Variants in APOB observed in about 807,000 individuals in gnomAD.
APOB encodes the protein apolipoprotein B-100.
In APOB, 153 loss-of-function variants were observed where a neutral mutation model predicts 314.1. The observed-to-expected ratio is 0.49, with a 90% CI of 0.43 to 0.56. The LOEUF is 0.56. APOB is among the 20% of genes least tolerant of loss of function. APOB has a pLI of 0.00. For missense variants in APOB, 5,430 were observed against 5,350.7 expected (o/e 1.01, Z -0.46); for synonymous variants, 2,087 against 2,036.4 (o/e 1.02, Z -0.67).
In APOB at chr2:21,037,398, G is replaced by A. The variant is rs1467349130; in HGVS notation, c.538-143C>T. 11 of 981,084 alleles carry A rather than the reference G, an allele frequency of 1.1e-5. No individual in the cohort carries two copies. The African/African-American group carries it at 1.6e-4, about 14-fold the overall frequency. The allele number at this position is 981,084 out of a possible 1,614,324, so 60.8% of individuals were successfully genotyped here. On this transcript the variant is annotated intron_variant, in intron 5 of 28. Coordinates refer to ENST00000233242, the MANE Select transcript of APOB (RefSeq NM_000384.3). The stretch of plus-strand genomic sequence containing the variant: ...GACTTTCTTTTTCTTCCTATGCAGA[G>A]TGTGGTCTTGCTAGTGCCTGGCCAG...
rs776597705 is a variant in APOB, at chr2:21,032,471, G to A, written c.1235C>T (p.Thr412Ile). Residue 412 changes from threonine to isoleucine, a missense_variant, in exon 10 of 29, where the codon ACC becomes ATC. By Grantham distance (89) the Thr-to-Ile change is moderately conservative. Transcript: ENST00000233242. The stretch of plus-strand genomic sequence containing the variant: ...CTCGGGGATCAGGGCCACCAGGTAG[G>A]TGACCACATCTATCAGAAGGGGGTT... ...HANPLLIDVV[T>I]YLVALIPEPS... 2 of 1,614,076 alleles carry A rather than the reference G, an allele frequency of 1.2e-6. No homozygotes were observed. Among genetic ancestry groups the A allele is most frequent in the African/African-American group, 2.7e-5 (2 of 74,934 alleles).
At position 21,012,976 on chromosome 2, in the gene APOB, G is replaced by T. The variant is rs12720844; in HGVS notation, c.4216+184C>A. Among the ~76,000 whole-genome samples the T allele has an allele frequency of 6.9e-3, 1,051 of 152,234 alleles. 8 individuals are homozygous for T. Among genetic ancestry groups the T allele is most frequent in the African/African-American group, 0.024 (978 of 41,550 alleles). On this transcript the variant is annotated intron_variant, in intron 25 of 28. Coordinates refer to ENST00000233242, the MANE Select transcript of APOB (RefSeq NM_000384.3). ...GTCTACTTTCTGTTACTGCCTACTA[G>T]AATATTTAATACACGTGATATGTTT...
In APOB at chr2:21,006,884, A is replaced by T. The variant is rs373961552; in HGVS notation, c.9984T>A (p.His3328Gln). 2.5e-6 allele frequency: 4 copies of T among 1,613,996 alleles called. No individual in the cohort carries two copies. Among genetic ancestry groups the T allele is most frequent in the Non-Finnish European group, 3.4e-6 (4 of 1,179,972 alleles). ...PDFKELCTIS[H>Q]IFIPAMGNIT... is the part of the protein sequence containing the mutation. ...TATTGCCCATGGCAGGAATAAAAAT[A>T]TGGCTTATGGTACACAATTCCTTGA... The change falls in exon 26 of 29, where the codon CAT becomes CAA. Residue 3328 changes from histidine (H) to glutamine (Q), a missense_variant. Coordinates refer to ENST00000233242, the MANE Select transcript of APOB (RefSeq NM_000384.3).
At position 21,001,959 on chromosome 2, in the gene APOB, A is replaced by G. The variant is rs374389311; in HGVS notation, c.13463T>C (p.Ile4488Thr). 7.4e-6 allele frequency: 12 copies of G among 1,613,946 alleles called. No individual in the cohort carries two copies. Among genetic ancestry groups the G allele is most frequent in the African/African-American group, 1.3e-5 (1 of 74,936 alleles). Residue 4488 changes from isoleucine (I) to threonine (T), a missense_variant, in exon 29 of 29, where the codon ATT becomes ACT. Ile to Thr is a moderately conservative substitution (Grantham distance 89). Around this residue, in one of 3 missense-constraint regions of APOB, gnomAD observed 3,281 missense variants for 3,171.0 expected, o/e 1.03. Coordinates refer to ENST00000233242, the MANE Select transcript of APOB (RefSeq NM_000384.3). Reference sequence around the variant, plus strand: ...TCTAAACTGCTGGTGGTAATCAGAAATTATTTTCTTCGTCGCAATGGCCTG... The same window carrying G: ...TCTAAACTGCTGGTGGTAATCAGAAGTTATTTTCTTCGTCGCAATGGCCTG... The part of the protein sequence containing the change: ...KSQAIATKKI[I>T]SDYHQQFRYK...
Position 21,007,749 on chromosome 2 carries a change from G to T in APOB, c.9119C>A (p.Ser3040Ter). The change falls in exon 26 of 29, where the codon TCA (serine) becomes TAA (stop). Residue 3040 changes from serine to a stop codon, truncating the protein, a stop_gained. Coordinates refer to ENST00000233242, the MANE Select transcript of APOB (RefSeq NM_000384.3). LOFTEE classifies it high-confidence loss of function. ...IGTLKNSLFFSAQPFEITAST... is the reference protein window; with the variant it reads ...IGTLKNSLFF ...TGCCGTGATCTCAAATGGCTGGGCT[G>T]AAAAGAAAAGAGAATTTTTCAAAGT... 1 of 1,614,022 alleles carries T rather than the reference G, an allele frequency of 6.2e-7. No homozygotes were observed.
rs760815948 is a variant in APOB, at chr2:21,006,935, T to C, written c.9933A>G (p.Arg3311=). The stretch of plus-strand genomic sequence containing the variant: ...AATCTGGAAGAGAAAGCTTGAGATT[T>C]CTAGGGACATGAAGGACTGGCAGCT... The part of the protein sequence containing the change: ...SLELPVLHVP[R]NLKLSLPDFK... The change falls in exon 26 of 29, where the codon AGA becomes AGG. Residue 3311 remains arginine, a synonymous_variant. Transcript: ENST00000233242. The C allele has an allele frequency of 2.2e-5, 36 of 1,614,070 alleles. No individual in the cohort carries two copies. Among genetic ancestry groups the C allele is most frequent in the Non-Finnish European group, 3.0e-5 (35 of 1,179,954 alleles).
intron 4 of APOB, among the ~76,000 whole-genome samples, chr2:21,039,856 G>T (rs867117406): frequency 2.0e-5 from 3 of 152,126 alleles, no homozygotes; most frequent in African/African-American, 7.2e-5. Context: ...TAAAGCATAG[G>T]AAAGAAAGAA....
Position 21,002,719 on chromosome 2 carries a change from C to T in APOB, c.12703G>A (p.Val4235Ile), listed in dbSNP as rs1434829160. 1.2e-6 allele frequency: 2 copies of T among 1,613,308 alleles called. No individual in the cohort carries two copies. The highest frequency in any genetic ancestry group is 1.7e-6 in the Non-Finnish European group (2 of 1,179,674). ...GTVLSQVYSK[V>I]HNGSEILFSY... ...AACAGTATTTCTGAACCATTATGGA[C>T]TTTCGAATATACCTGGGACAGTACC... Residue 4235 changes from valine (V) to isoleucine (I), a missense_variant, in exon 29 of 29, where the codon GTC (valine) becomes ATC (isoleucine). Val to Ile is a conservative substitution (Grantham distance 29). Coordinates refer to ENST00000233242, the MANE Select transcript of APOB (RefSeq NM_000384.3).
Position 21,006,580 on chromosome 2 carries a change from T to C in APOB, c.10288A>G (p.Lys3430Glu), listed in dbSNP as rs755913225. 4 of 1,614,006 alleles carry C rather than the reference T, an allele frequency of 2.5e-6. No homozygotes were observed. The highest frequency in any genetic ancestry group is 3.4e-6 in the Non-Finnish European group (4 of 1,179,980). The change falls in exon 26 of 29, where the codon AAA (lysine) becomes GAA (glutamate). Residue 3430 changes from lysine to glutamate, a missense_variant. Lys to Glu is a moderately conservative substitution (Grantham distance 56). Around this residue, in one of 3 missense-constraint regions of APOB, gnomAD observed 3,281 missense variants for 3,171.0 expected, o/e 1.03. Coordinates refer to ENST00000233242, the MANE Select transcript of APOB (RefSeq NM_000384.3). ...ATTCTCAAAATTGGAATTTGGGCTT[T>C]TGTGGTTGTTGCCACTGACACTTCC... ...NMEVSVATTT[K>E]AQIPILRMNF...
rs746414427 is a variant in APOB at position 21,014,438 on chromosome 2, C to T, written c.3842+10G>A. 18 of 1,613,924 alleles carry T rather than the reference C, an allele frequency of 1.1e-5. No homozygotes were observed. The highest frequency in any genetic ancestry group is 1.7e-5 in the Admixed American group (1 of 59,974). On this transcript the variant is annotated intron_variant, in intron 24 of 28. Transcript: ENST00000233242. ...ATGGTTCAAGAAGCCTTGCTGCTTT[C>T]TTCTTTTACCTTTTTAAGAAGAGGT...
Position 21,019,718 on chromosome 2 carries a change from C to T in APOB, c.2999+5G>A. 6.2e-7 allele frequency: 1 copy of T among 1,614,036 alleles called. No homozygotes were observed. ...ATGCTGGGTCAGGCACTGAGCATCT[C>T]TAACCTGGTGTCCCCGGTCAGCGGA... On this transcript the variant is annotated splice_donor_5th_base_variant and intron_variant, in intron 19 of 28. Transcript: ENST00000233242.
chr2:21,012,719 A>T, intron 25 of APOB, 68 bp from the exon 26 acceptor site: 5 of 1,542,222 alleles, frequency 3.2e-6, no homozygotes, highest in Non-Finnish European at 4.4e-6. Context: ...TCTATGTTGA[A>T]AGTCTTTCAA....
At chr2:21,033,615 G>C in intron 8 of APOB, 97 bp from the exon 9 acceptor site, 1 of 1,017,726 alleles carries the variant, frequency 9.8e-7, no homozygotes, top group Non-Finnish European at 1.5e-6. Context: ...TCAGCACAGG[G>C]GAAAAGGGAA....
rs1663383679 is a variant in APOB, at chr2:21,013,347, G to A, written c.4029C>T (p.Pro1343=). Residue 1343 remains proline, a synonymous_variant, in exon 25 of 29, where the codon CCC becomes CCT. Coordinates refer to ENST00000233242, the MANE Select transcript of APOB (RefSeq NM_000384.3). ...GAGGCACTTGCAGTTGATACAACTTGGGAATGGTAAAAGTAGGGACTTGGA... is the reference window on the plus strand; with the variant it reads ...GAGGCACTTGCAGTTGATACAACTTAGGAATGGTAAAAGTAGGGACTTGGA... ...REFQVPTFTI[P]KLYQLQVPLL... is the part of the protein sequence containing the mutation. The A allele has an allele frequency of 1.2e-6, 2 of 1,614,088 alleles. No homozygotes were observed. Among genetic ancestry groups the A allele is most frequent in the South Asian group, 1.1e-5 (1 of 91,084 alleles).
In APOB at chr2:21,037,942, C is replaced by T. The variant is rs370113574; in HGVS notation, c.537+16G>A. On this transcript the variant is annotated intron_variant, in intron 5 of 28. Coordinates refer to ENST00000233242, the MANE Select transcript of APOB (RefSeq NM_000384.3). ...GAGTTTCAAGGGCCACTGCTATCAGCTTTCTAAATCCTCACCAGAAACAAC... is the reference window on the plus strand; with the variant it reads ...GAGTTTCAAGGGCCACTGCTATCAGTTTTCTAAATCCTCACCAGAAACAAC... The T allele has an allele frequency of 1.4e-5, 23 of 1,614,214 alleles. No homozygotes were observed. The African/African-American group carries it at 2.9e-4, about 21-fold the overall frequency.
At chr2:21,031,358 C>T (rs751028620) in intron 10 of APOB, among the ~76,000 whole-genome samples, 5 of 152,112 alleles carry the variant, frequency 3.3e-5, no homozygotes, top group Admixed American at 1.3e-4. Flanking sequence ...CACAGAAAGA[C>T]AAATATTGCG....
At chr2:21,014,411 G>A (rs1663413401) in intron 24 of APOB, 37 bp downstream of exon 24, 1 of 1,611,864 alleles carries the variant, frequency 6.2e-7, no homozygotes, top group Non-Finnish European at 8.5e-7. Context: ...CATTTACTTT[G>A]CATGGTTCAA....
At chr2:21,014,671 C>T (rs1255479008) in intron 23 of APOB, 78 bp from the exon 24 acceptor site, 9 of 1,463,726 alleles carry the variant, frequency 6.1e-6, no homozygotes, top group South Asian at 1.2e-5. Flanking sequence ...GCAAAAATAC[C>T]GATTTGACAA....
At chr2:21,033,564 A>G in intron 8 of APOB, 46 bp from the exon 9 acceptor site, 1 of 1,505,138 alleles carries the variant, frequency 6.6e-7, no homozygotes, top group Non-Finnish European at 9.2e-7. Context: ...TCTTCATCTC[A>G]ACCATATCTT....
Sources: allele counts gnomAD v4.1 joint callset (sites outside exome capture counted in the v4.1 genomes callset), GRCh38; gene constraint gnomAD v4.1.1; regional missense constraint gnomAD v4.1.1; transcripts MANE v1.5; gene names NCBI Gene and HGNC (gene_info 2026-07-23, HGNC 2026-07-21).